Variants in KANSL1L observed in about 807,000 individuals in gnomAD.
The protein encoded by KANSL1L is KAT8 regulatory NSL complex subunit 1 like.
KANSL1L carries 25 observed loss-of-function variants against 108.6 expected under a neutral mutation model. The observed-to-expected ratio is 0.23, with a 90% CI of 0.17 to 0.32. KANSL1L has a LOEUF of 0.32. Among genes scored for constraint, KANSL1L ranks in the 10% least tolerant of loss-of-function variants. The pLI is 1.00. For missense variants in KANSL1L, 1,137 were observed against 1,125.7 expected, an observed-to-expected ratio of 1.01 and a Z score of -0.14; for synonymous variants, 405 against 395.1, an observed-to-expected ratio of 1.03 and a Z score of -0.30.
chr2:210,114,965 ATT>A (rs1423061022), intron 3 of KANSL1L, among the ~76,000 whole-genome samples: 1 of 152,112 alleles, frequency 6.6e-6, no homozygotes, highest in Non-Finnish European at 1.5e-5. Flanking sequence ...TGAGAAAGAA[ATT>A]TAAACATTTC....
At chr2:210,031,641 G>A in intron 8 of KANSL1L, 95 bp from the exon 9 acceptor site, 2 of 728,140 alleles carry the variant, frequency 2.7e-6, no homozygotes, top group Non-Finnish European at 4.2e-6. Flanking sequence ...AGAATTTTAA[G>A]ATACCAGTTC....
intron 1 of KANSL1L, among the ~76,000 whole-genome samples, chr2:210,164,265 A>G (rs982062937): frequency 2.0e-5 from 3 of 152,048 alleles, no homozygotes; most frequent in Non-Finnish European, 4.4e-5. Context: ...CAGTCCCCCA[A>G]TTTTTTGGCC....
At chr2:210,042,346 A>G (rs2094174070) in intron 7 of KANSL1L, among the ~76,000 whole-genome samples, 1 of 152,214 alleles carries the variant, frequency 6.6e-6, no homozygotes, top group Non-Finnish European at 1.5e-5. Context: ...GTAAGAAGGA[A>G]TGGATATCAT....
Position 210,110,863 on chromosome 2 carries a change from T to C in KANSL1L, c.1231-6562A>G, listed in dbSNP as rs370988526. Among the ~76,000 whole-genome samples the C allele has an allele frequency of 6.6e-5, 10 of 152,062 alleles. 1 individual carries two copies. The highest frequency in any genetic ancestry group is 2.4e-4 in the African/African-American group (10 of 41,412). On this transcript the variant is annotated intron_variant, in intron 3 of 14. Coordinates refer to ENST00000281772, the MANE Select transcript of KANSL1L (RefSeq NM_152519.4). ...CTGTAATCTCAGCACTTTAAGAGGC[T>C]GAGGCTAAGAAGCTGAGGCAGGTGG...
At chr2:210,081,935 A>T (rs1331489176) in intron 5 of KANSL1L, among the ~76,000 whole-genome samples, 1 of 152,142 alleles carries the variant, frequency 6.6e-6, no homozygotes, top group Non-Finnish European at 1.5e-5. Context: ...TTACAAAGTT[A>T]GGGTTTTTTG....
In KANSL1L at chr2:210,043,215, A is replaced by G. The variant is rs547388561; in HGVS notation, c.1921+724T>C. On this transcript the variant is annotated intron_variant, in intron 7 of 14. Transcript: ENST00000281772. ...AGCCTGGGCAATATAGTGAGACCCC[A>G]TCTCTACAAAAAAATTTAAAAATTA... 1.2e-4 allele frequency among the ~76,000 whole-genome samples: 18 copies of G among 152,056 alleles called. No individual in the cohort carries two copies. In the East Asian group the frequency reaches 3.5e-3, roughly 29 times the overall value.
intron 5 of KANSL1L, among the ~76,000 whole-genome samples, chr2:210,081,793 A>T (rs763167932): frequency 6.6e-6 from 1 of 152,222 alleles, no homozygotes; most frequent in Non-Finnish European, 1.5e-5. Flanking sequence ...TAGTTTGGTG[A>T]ATAAGTAAAT....
intron 2 of KANSL1L, among the ~76,000 whole-genome samples, chr2:210,130,279 A>T (rs1280595966): frequency 6.6e-6 from 1 of 152,010 alleles, no homozygotes. Flanking sequence ...ATATGTGGGA[A>T]CTCTTTGTAC....
Position 210,084,130 on chromosome 2 carries a change from A to T in KANSL1L, c.1551-8374T>A, listed in dbSNP as rs535652013. The stretch of plus-strand genomic sequence containing the variant: ...CTTTAAAAATAAGATGTAGTATCTA[A>T]AAAAATTAAGGCTGGGCGCAGTGGC... On this transcript the variant is annotated intron_variant, in intron 5 of 14. Coordinates refer to ENST00000281772, the MANE Select transcript of KANSL1L (RefSeq NM_152519.4). Among the ~76,000 whole-genome samples the T allele has an allele frequency of 2.6e-5, 4 of 152,252 alleles. No homozygotes were observed. In the South Asian group the frequency reaches 6.2e-4, roughly 24 times the overall value.
At chr2:210,108,583 T>C (rs1335436666) in intron 3 of KANSL1L, among the ~76,000 whole-genome samples, 1 of 152,206 alleles carries the variant, frequency 6.6e-6, no homozygotes, top group African/African-American at 2.4e-5. Flanking sequence ...TCTAAATTGT[T>C]TTATACTTGA....
At chr2:210,126,619 T>C (rs1167991119) in intron 3 of KANSL1L, among the ~76,000 whole-genome samples, 3 of 151,948 alleles carry the variant, frequency 2.0e-5, no homozygotes, top group Middle Eastern at 3.2e-3. Flanking sequence ...AGTTCAAGAC[T>C]AACCTGGCCA....
At position 210,075,596 on chromosome 2, in the gene KANSL1L, G is replaced by C; in HGVS notation, c.1711C>G (p.Arg571Gly). ...RTRPLQSFHKRKLYRLSPTFY... is the reference protein window; with the variant it reads ...RTRPLQSFHKGKLYRLSPTFY... ...GTAGGGCTCAATCTGTACAGTTTTCGTTTGTGGAAACTCTGAAGTGGCCTT... is the reference window on the plus strand; with the variant it reads ...GTAGGGCTCAATCTGTACAGTTTTCCTTTGTGGAAACTCTGAAGTGGCCTT... Residue 571 changes from arginine to glycine, a missense_variant, in exon 6 of 15, where the codon CGA becomes GGA. By Grantham distance (125) the Arg-to-Gly change is moderately radical. Coordinates refer to ENST00000281772, the MANE Select transcript of KANSL1L (RefSeq NM_152519.4). 6.2e-7 allele frequency: 1 copy of C among 1,614,052 alleles called. No individual in the cohort carries two copies. The highest frequency in any genetic ancestry group is 8.5e-7 in the Non-Finnish European group (1 of 1,179,976).
At chr2:210,091,119 G>A (rs1234135299) in intron 5 of KANSL1L, among the ~76,000 whole-genome samples, 3 of 152,102 alleles carry the variant, frequency 2.0e-5, no homozygotes, top group Non-Finnish European at 4.4e-5. Flanking sequence ...CAGATAAAGG[G>A]TAAGGATTAT....
intron 3 of KANSL1L, among the ~76,000 whole-genome samples, chr2:210,127,368 A>G (rs1328063967): frequency 1.3e-5 from 2 of 152,208 alleles, no homozygotes; most frequent in African/African-American, 4.8e-5. Flanking sequence ...TAAGTGCTTC[A>G]TGACATTAGA....
intron 1 of KANSL1L, among the ~76,000 whole-genome samples, chr2:210,166,470 C>T (rs1687972854): frequency 6.6e-6 from 1 of 152,040 alleles, no homozygotes; most frequent in African/African-American, 2.4e-5. Flanking sequence ...AACTGATAAT[C>T]TATATAAGAA....
In KANSL1L at chr2:210,153,558, T is replaced by C; in HGVS notation, c.1025A>G (p.Asp342Gly). ...LSHVEEGLDSDATDSSSDDDL... is the reference protein window; with the variant it reads ...LSHVEEGLDSGATDSSSDDDL... ...GTCATCAGAGCTGCTATCAGTTGCA[T>C]CGGAATCCAAACCCTCTTCAACATG... The change falls in exon 2 of 15, where the codon GAT becomes GGT. Residue 342 changes from aspartate to glycine, a missense_variant. Around this residue, in one of 3 missense-constraint regions of KANSL1L, gnomAD observed 556 missense variants for 537.7 expected, o/e 1.03. Transcript: ENST00000281772. 3 of 1,614,114 alleles carry C rather than the reference T, an allele frequency of 1.9e-6. No homozygotes were observed. The highest frequency in any genetic ancestry group is 2.5e-6 in the Non-Finnish European group (3 of 1,179,992).
intron 5 of KANSL1L, chr2:210,080,221 A>C (rs552901453): frequency 4.5e-4 from 69 of 152,284 alleles, no homozygotes; most frequent in Non-Finnish European, 5.7e-4. Context: ...AAAGACTTAA[A>C]TCCTTAATCT....
intron 5 of KANSL1L, among the ~76,000 whole-genome samples, chr2:210,086,601 T>C (rs1423572801): frequency 6.6e-6 from 1 of 151,962 alleles, no homozygotes; most frequent in African/African-American, 2.4e-5. Flanking sequence ...TGGGAAATAA[T>C]TAACCAGGTA....
At chr2:210,166,933 A>T (rs1479793046) in intron 1 of KANSL1L, among the ~76,000 whole-genome samples, 2 of 152,058 alleles carry the variant, frequency 1.3e-5, no homozygotes, top group African/African-American at 4.8e-5. Context: ...AGAAGTTTTT[A>T]AACATTATCT....
Sources: gnomAD v4.1 joint callset for allele counts (sites outside exome capture counted in the v4.1 genomes callset) on GRCh38, gnomAD v4.1.1 for gene constraint, gnomAD v4.1.1 regional missense constraint, MANE v1.5 for transcripts, NCBI Gene and HGNC (gene_info 2026-07-23, HGNC 2026-07-21) for gene names.